The following SMAD3 variants were observed in gnomAD, a reference collection of about 807,000 sequenced individuals.
SMAD3 encodes the protein SMAD family member 3.
A neutral mutation model predicts 51.8 loss-of-function variants in SMAD3; 12 were observed. The ratio of observed to expected loss-of-function variants is 0.23; its 90% confidence interval spans 0.15 to 0.38. The LOEUF is 0.38. Among genes scored for constraint, SMAD3 ranks in the 10% least tolerant of loss-of-function variants. The pLI, the probability that SMAD3 is intolerant of heterozygous loss-of-function variation, is 1.00. For synonymous variants in SMAD3, 238 were observed against 227.7 expected (o/e 1.05, Z -0.41); for missense variants, 294 against 565.6 (o/e 0.52, Z 4.87).
intron 1 of SMAD3, among the ~76,000 whole-genome samples, chr15:67,116,075 A>G (rs1009465531): frequency 1.3e-5 from 2 of 152,252 alleles, no homozygotes; most frequent in African/African-American, 2.4e-5. Flanking sequence ...GACTTTTTAC[A>G]TCTCTCTAAC....
At chr15:67,181,729 A>G (rs998511475) in intron 6 of SMAD3, among the ~76,000 whole-genome samples, 1 of 152,150 alleles carries the variant, frequency 6.6e-6, no homozygotes, top group Non-Finnish European at 1.5e-5. Flanking sequence ...CACAGAGGAA[A>G]ATAGTTCATC....
chr15:67,094,700 G>A (rs1409134979), intron 1 of SMAD3, among the ~76,000 whole-genome samples: 1 of 152,226 alleles, frequency 6.6e-6, no homozygotes, highest in Non-Finnish European at 1.5e-5. Context: ...CTGCACTGAT[G>A]TAGGCAAAGA....
intron 1 of SMAD3, among the ~76,000 whole-genome samples, chr15:67,161,054 C>A (rs1036159217): frequency 6.6e-6 from 1 of 151,956 alleles, no homozygotes; most frequent in Admixed American, 6.6e-5. Flanking sequence ...AAGATTTTCT[C>A]CTGTTTTCTT....
intron 1 of SMAD3, among the ~76,000 whole-genome samples, chr15:67,075,114 G>A (rs2140198419): frequency 6.6e-6 from 1 of 151,956 alleles, no homozygotes; most frequent in African/African-American, 2.4e-5. Flanking sequence ...GCTCAAAAAT[G>A]CCAAAAGGCA....
chr15:67,185,735 T>C (rs1385768268), intron 7 of SMAD3, among the ~76,000 whole-genome samples: 1 of 151,570 alleles, frequency 6.6e-6, no homozygotes, highest in Non-Finnish European at 1.5e-5. Flanking sequence ...GCTGATCCCA[T>C]CTAAGGCCTC....
At chr15:67,158,804 C>G (rs1425297510) in intron 1 of SMAD3, among the ~76,000 whole-genome samples, 1 of 152,212 alleles carries the variant, frequency 6.6e-6, no homozygotes, top group Admixed American at 6.5e-5. Flanking sequence ...ACCCTCCTGA[C>G]TGTGCACCCA....
chr15:67,138,715 T>C (rs1195692133), intron 1 of SMAD3, among the ~76,000 whole-genome samples: 1 of 152,170 alleles, frequency 6.6e-6, no homozygotes, highest in Non-Finnish European at 1.5e-5. Context: ...CCAGGCATCA[T>C]AATTTGTGTT....
At chr15:67,153,991 C>T (rs1962217296) in intron 1 of SMAD3, among the ~76,000 whole-genome samples, 1 of 152,168 alleles carries the variant, frequency 6.6e-6, no homozygotes, top group Non-Finnish European at 1.5e-5. Context: ...CAGTGGAGTC[C>T]AGCCCTCCCA....
At chr15:67,122,099 G>T (rs1429713940) in intron 1 of SMAD3, among the ~76,000 whole-genome samples, 4 of 152,198 alleles carry the variant, frequency 2.6e-5, no homozygotes, top group African/African-American at 4.8e-5. Context: ...AATTCTATTG[G>T]GTAGCACTGG....
intron 5 of SMAD3, among the ~76,000 whole-genome samples, chr15:67,174,001 G>A (rs1962821470): frequency 6.6e-6 from 1 of 152,254 alleles, no homozygotes; most frequent in African/African-American, 2.4e-5. Context: ...CAGTTGGAAA[G>A]TCAGGAAAGC....
intron 6 of SMAD3, among the ~76,000 whole-genome samples, chr15:67,181,781 T>C (rs866713398): frequency 3.2e-5 from 4 of 125,786 alleles, no homozygotes; most frequent in African/African-American, 1.2e-4. Flanking sequence ...AGGCAACATA[T>C]GAAATCTATT....
intron 5 of SMAD3, among the ~76,000 whole-genome samples, 158 bp from the exon 6 acceptor site, chr15:67,181,083 G>T (rs544773458): frequency 6.6e-6 from 1 of 152,332 alleles, no homozygotes; most frequent in African/African-American, 2.4e-5. Flanking sequence ...TGTTCTGGTG[G>T]CTCTTGCCAG....
intron 5 of SMAD3, among the ~76,000 whole-genome samples, chr15:67,176,424 A>C (rs28516484): frequency 0.02 from 3,018 of 152,332 alleles, 101 homozygotes; most frequent in African/African-American, 0.069. Context: ...AGGTGGGCCC[A>C]GCAGAAACCA....
intron 1 of SMAD3, among the ~76,000 whole-genome samples, chr15:67,108,151 TCGG>T (rs1463462607): frequency 2.0e-5 from 3 of 152,148 alleles, no homozygotes; most frequent in South Asian, 2.1e-4. Context: ...GGCCTTGCCC[TCGG>T]GGGCTCCGGT....
At chr15:67,131,259 G>T (rs1961518747) in intron 1 of SMAD3, among the ~76,000 whole-genome samples, 1 of 152,222 alleles carries the variant, frequency 6.6e-6, no homozygotes, top group African/African-American at 2.4e-5. Context: ...CTCAGGGAGT[G>T]TCAGTCCCTT....
intron 5 of SMAD3, among the ~76,000 whole-genome samples, chr15:67,174,924 G>A (rs1962847791): frequency 6.6e-6 from 1 of 152,224 alleles, no homozygotes; most frequent in South Asian, 2.1e-4. Context: ...TCTGGTAAGG[G>A]GCAGGGACTC....
intron 1 of SMAD3, among the ~76,000 whole-genome samples, chr15:67,125,038 G>A (rs780501964): frequency 6.6e-6 from 1 of 152,228 alleles, no homozygotes; most frequent in Non-Finnish European, 1.5e-5. Context: ...CACCCCACCC[G>A]ACCAGCCAAA....
intron 4 of SMAD3, among the ~76,000 whole-genome samples, chr15:67,167,481 T>C (rs537245910): frequency 3.5e-4 from 53 of 152,260 alleles, no homozygotes; most frequent in African/African-American, 1.2e-3. Flanking sequence ...CGCTGCAGGC[T>C]GTAAGCAGGG....
chr15:67,075,803 T>C (rs1290440125), intron 1 of SMAD3, among the ~76,000 whole-genome samples: 1 of 151,758 alleles, frequency 6.6e-6, no homozygotes, highest in Admixed American at 6.6e-5. Flanking sequence ...TAATTTCAGC[T>C]ACTCAGGAGG....
Sources: gnomAD v4.1 joint callset for allele counts (sites outside exome capture counted in the v4.1 genomes callset) on GRCh38, gnomAD v4.1.1 for gene constraint, MANE v1.5 for transcripts, NCBI Gene and HGNC (gene_info 2026-07-23, HGNC 2026-07-21) for gene names.